Variants in TSGA10 observed in about 807,000 individuals in gnomAD.
TSGA10 encodes testis specific 10, also known as testis-specific gene 10 protein.
In TSGA10, 43 loss-of-function variants were observed where a neutral mutation model predicts 96.6. The ratio of observed to expected loss-of-function variants is 0.44; its 90% CI spans 0.35 to 0.57. TSGA10 has a LOEUF of 0.57. Ranked by LOEUF, TSGA10 falls within the 20% of genes least tolerant of loss-of-function variation. The pLI is 0.01. For synonymous variants in TSGA10, 229 were observed against 269.9 expected (o/e 0.85, Z 1.48); for missense variants, 703 against 834.4 (o/e 0.84, Z 1.94).
At chr2:99,028,210 T>C (rs1472760801) in intron 17 of TSGA10, among the ~76,000 whole-genome samples, 1 of 152,252 alleles carries the variant, frequency 6.6e-6, no homozygotes, top group East Asian at 1.9e-4. Context: ...TATTAATTGC[T>C]AGCTGACTGT....
At chr2:99,023,322 A>C (rs895350976) in intron 17 of TSGA10, among the ~76,000 whole-genome samples, 1 of 152,074 alleles carries the variant, frequency 6.6e-6, no homozygotes, top group African/African-American at 2.4e-5. Context: ...CTCTTATCAG[A>C]TATATGGTTT....
chr2:99,102,412 A>G, intron 10 of TSGA10: 1 of 1,613,932 alleles, frequency 6.2e-7, no homozygotes. Flanking sequence ...TTTACAGGAA[A>G]ACAAGGTGAA....
rs150783598 is a variant in TSGA10 at position 99,089,537 on chromosome 2, C to T, written c.612-8140G>A. Among the ~76,000 whole-genome samples the T allele has an allele frequency of 4.0e-4, 61 of 152,210 alleles. No individual in the cohort carries two copies. The East Asian group carries it at 0.011, about 27-fold the overall frequency. ...AGTTCTCAGCCCTGCTTGCCCACTG[C>T]CTGGAAACAAACTTGGTGTTGTTGG... On this transcript the variant is annotated intron_variant, in intron 10 of 20. Transcript: ENST00000393483.
chr2:99,018,419 C>G, intron 19 of TSGA10, 70 bp from the exon 20 acceptor site: 2 of 1,585,178 alleles, frequency 1.3e-6, no homozygotes, highest in Non-Finnish European at 1.7e-6. Context: ...AAAACTAGCT[C>G]AATTCATACT....
At chr2:99,053,560 G>A (rs537461196) in intron 16 of TSGA10, among the ~76,000 whole-genome samples, 6 of 152,026 alleles carry the variant, frequency 3.9e-5, no homozygotes, top group African/African-American at 7.2e-5. Context: ...CAACTTCAAC[G>A]TCCTTTCATA....
At chr2:99,134,050 C>T (rs533072902) in intron 1 of TSGA10, among the ~76,000 whole-genome samples, 17 of 152,230 alleles carry the variant, frequency 1.1e-4, no homozygotes, top group Admixed American at 9.2e-4. Flanking sequence ...GTGAATCTGA[C>T]GATTATGTGT....
chr2:99,008,902 G>A (rs1319155113), intron 20 of TSGA10, among the ~76,000 whole-genome samples: 1 of 152,098 alleles, frequency 6.6e-6, no homozygotes, highest in Admixed American at 6.6e-5. Context: ...ATAGTGTTAA[G>A]TGAGAAAAGC....
chr2:99,137,927 G>A (rs1370639073), intron 1 of TSGA10, among the ~76,000 whole-genome samples: 1 of 149,252 alleles, frequency 6.7e-6, no homozygotes, highest in Non-Finnish European at 1.5e-5. Flanking sequence ...TGAGTTGCCT[G>A]TATATAATAG....
intron 2 of TSGA10, among the ~76,000 whole-genome samples, chr2:99,120,963 T>A (rs575156294): frequency 1.3e-5 from 2 of 152,212 alleles, no homozygotes; most frequent in Non-Finnish European, 2.9e-5. Flanking sequence ...CAGCACAGCG[T>A]CCTTTAGATC....
chr2:99,018,504 T>C (rs775417860), intron 19 of TSGA10, 32 bp downstream of exon 19: 1 of 1,599,456 alleles, frequency 6.3e-7, no homozygotes, highest in Admixed American at 1.7e-5. Context: ...CTGAAAAGCA[T>C]TGTTTTTGAG....
At chr2:99,142,561 T>C (rs1294890760) in intron 1 of TSGA10, among the ~76,000 whole-genome samples, 1 of 152,244 alleles carries the variant, frequency 6.6e-6, no homozygotes, top group Non-Finnish European at 1.5e-5. Flanking sequence ...GTCGCATTTA[T>C]TTTCAGATAT....
At chr2:99,100,069 G>T (rs533221749) in intron 10 of TSGA10, among the ~76,000 whole-genome samples, 1 of 152,240 alleles carries the variant, frequency 6.6e-6, no homozygotes, top group South Asian at 2.1e-4. Flanking sequence ...TGGTGGCCCA[G>T]AAGACTCAAA....
At chr2:99,065,510 G>A (rs1348187072) in intron 15 of TSGA10, among the ~76,000 whole-genome samples, 1 of 152,118 alleles carries the variant, frequency 6.6e-6, no homozygotes, top group Non-Finnish European at 1.5e-5. Flanking sequence ...TTTCGTACTG[G>A]TGTATTCCCT....
At chr2:99,074,501 T>C (rs1257726105) in intron 12 of TSGA10, among the ~76,000 whole-genome samples, 1 of 124,014 alleles carries the variant, frequency 8.1e-6, no homozygotes, top group Non-Finnish European at 1.6e-5. Context: ...GTTGTTAAAA[T>C]ATGCATTAAA....
At chr2:99,034,111 C>A (rs1190448335) in intron 17 of TSGA10, among the ~76,000 whole-genome samples, 1 of 152,156 alleles carries the variant, frequency 6.6e-6, no homozygotes, top group Non-Finnish European at 1.5e-5. Context: ...AGAGGATCAA[C>A]TGCTTGAGAG....
At chr2:99,107,558 A>G (rs1329402378) in intron 7 of TSGA10, among the ~76,000 whole-genome samples, 1 of 152,204 alleles carries the variant, frequency 6.6e-6, no homozygotes, top group Non-Finnish European at 1.5e-5. Flanking sequence ...AGCAAGCTAT[A>G]TATAACTCAC....
intron 2 of TSGA10, chr2:99,124,711 A>G (rs1211876937): frequency 6.6e-6 from 1 of 152,032 alleles, no homozygotes; most frequent in Non-Finnish European, 1.5e-5. Context: ...CGGCCTCCTA[A>G]GTAGCTGGGA....
rs761151937 is a variant in TSGA10 at position 99,035,452 on chromosome 2, A to C, written c.1405-13T>G. Reference sequence around the variant, plus strand: ...CTGCATTTAAGTGCTGTAAGAATAAAATTATATATATGTATGTATACATAT... The same window carrying C: ...CTGCATTTAAGTGCTGTAAGAATAACATTATATATATGTATGTATACATAT... On this transcript the variant is annotated splice_polypyrimidine_tract_variant and intron_variant, in intron 16 of 20. Transcript: ENST00000393483. 1 of 1,556,636 alleles carries C rather than the reference A, an allele frequency of 6.4e-7. No individual in the cohort carries two copies. Among genetic ancestry groups the C allele is most frequent in the South Asian group, 1.1e-5 (1 of 87,044 alleles).
At chr2:99,130,640 G>C (rs147745899) in intron 1 of TSGA10, among the ~76,000 whole-genome samples, 1,836 of 152,200 alleles carry the variant, frequency 0.012, 40 homozygotes, top group African/African-American at 0.042. Flanking sequence ...AGATCCATTT[G>C]TCAATTTTGG....
Sources: allele counts gnomAD v4.1 joint callset (sites outside exome capture counted in the v4.1 genomes callset), GRCh38; gene constraint gnomAD v4.1.1; transcripts MANE v1.5; gene names NCBI Gene and HGNC (gene_info 2026-07-23, HGNC 2026-07-21).